Variants in YWHAG observed in about 807,000 individuals in gnomAD.
The protein encoded by YWHAG is tyrosine 3-monooxygenase/tryptophan 5-monooxygenase activation protein gamma, also known as 14-3-3 protein gamma.
In YWHAG, 1 loss-of-function variant was observed where a neutral mutation model predicts 23.3. The observed-to-expected ratio is 0.04, with a 90% CI of 0.02 to 0.20. YWHAG has a LOEUF of 0.20. Ranked by LOEUF, YWHAG falls within the 10% of genes least tolerant of loss-of-function variation. YWHAG has a pLI of 1.00. For synonymous variants in YWHAG, 160 were observed against 144.0 expected, an observed-to-expected ratio of 1.11 and a Z score of -0.80; for missense variants, 151 against 338.6, an observed-to-expected ratio of 0.45 and a Z score of 4.35.
At position 76,328,542 on chromosome 7, in the gene YWHAG, G is replaced by A. The variant is rs878951657; in HGVS notation, c.*1035C>T. On this transcript the variant is annotated 3_prime_UTR_variant, in exon 2 of 2. Coordinates refer to ENST00000307630, the MANE Select transcript of YWHAG (RefSeq NM_012479.4). ...ACAGACCTTCTCCAAACGCCTCTCC[G>A]ACCCCACAGCTTCTGCACCCAGCTG... 6.6e-6 allele frequency: 1 copy of A among 152,096 alleles called. No homozygotes were observed. Among genetic ancestry groups the A allele is most frequent in the African/African-American group, 2.4e-5 (1 of 41,374 alleles). 9.4% of individuals were successfully genotyped at this position (152,096 alleles called of 1,614,324 possible).
At chr7:76,350,907 C>A (rs1300107100) in intron 1 of YWHAG, among the ~76,000 whole-genome samples, 1 of 152,030 alleles carries the variant, frequency 6.6e-6, no homozygotes, top group East Asian at 1.9e-4. Flanking sequence ...ACCATCTATA[C>A]CCACACATCA....
At chr7:76,339,716 G>T (rs527408458) in intron 1 of YWHAG, among the ~76,000 whole-genome samples, 6 of 152,264 alleles carry the variant, frequency 3.9e-5, no homozygotes, top group African/African-American at 1.4e-4. Context: ...TCAACACGAA[G>T]ACCGTAAGGA....
chr7:76,339,781 C>T (rs183192805), intron 1 of YWHAG, among the ~76,000 whole-genome samples: 117 of 152,200 alleles, frequency 7.7e-4, no homozygotes, highest in Non-Finnish European at 1.5e-3. Flanking sequence ...TACAGTTTCT[C>T]TTATGCTTTT....
At chr7:76,346,877 TTCAAC>T (rs1468981772) in intron 1 of YWHAG, among the ~76,000 whole-genome samples, 2 of 152,090 alleles carry the variant, frequency 1.3e-5, no homozygotes, top group African/African-American at 4.8e-5. Context: ...GTTAACCTCT[TTCAAC>T]TCATTTCCTG....
intron 1 of YWHAG, among the ~76,000 whole-genome samples, chr7:76,358,180 C>T (rs1476819789): frequency 6.6e-6 from 1 of 152,064 alleles, no homozygotes; most frequent in Non-Finnish European, 1.5e-5. Context: ...AGACCCTATA[C>T]AATGTTTCTG....
intron 1 of YWHAG, among the ~76,000 whole-genome samples, chr7:76,348,420 A>G (rs137897447): frequency 0.029 from 4,053 of 139,904 alleles, 198 homozygotes; most frequent in African/African-American, 0.1. Flanking sequence ...CATGCCCGCT[A>G]ATTTTTTTTT....
intron 1 of YWHAG, among the ~76,000 whole-genome samples, chr7:76,332,732 G>A (rs1803563163): frequency 1.3e-5 from 2 of 148,426 alleles, no homozygotes; most frequent in African/African-American, 2.5e-5. Flanking sequence ...AAAAAGACCT[G>A]GTCTCACTCT....
At chr7:76,357,857 T>C (rs776094509) in intron 1 of YWHAG, among the ~76,000 whole-genome samples, 5 of 152,112 alleles carry the variant, frequency 3.3e-5, no homozygotes, top group South Asian at 2.1e-4. Flanking sequence ...CCCCAACTTA[T>C]AGGAATTTCA....
At position 76,329,872 on chromosome 7, in the gene YWHAG, G is replaced by C; in HGVS notation, c.449C>G (p.Ser150Cys). Residue 150 changes from serine (S) to cysteine (C), a missense_variant, in exon 2 of 2, where the codon TCC becomes TGC. By Grantham distance (112) the Ser-to-Cys change is moderately radical (BLOSUM62 -1). Transcript: ENST00000307630. The surrounding 1 kb of genome is among the most constrained non-coding windows in gnomAD (Gnocchi z 6.1). ...GTGGGCTTCGCTGTAGGCCTTCTCG[G>C]AGGACTCCACCACCGTCGCCCTTTT... ...GEKRATVVES[S>C]EKAYSEAHEI... 1 of 1,614,036 alleles carries C rather than the reference G, an allele frequency of 6.2e-7. No homozygotes were observed. Among genetic ancestry groups the C allele is most frequent in the Non-Finnish European group, 8.5e-7 (1 of 1,180,002 alleles).
At chr7:76,352,903 G>A (rs978830020) in intron 1 of YWHAG, among the ~76,000 whole-genome samples, 10 of 152,016 alleles carry the variant, frequency 6.6e-5, no homozygotes, top group Non-Finnish European at 1.2e-4. Context: ...AACCCACCTC[G>A]ACCTCCCAAA....
intron 1 of YWHAG, among the ~76,000 whole-genome samples, chr7:76,331,356 G>C (rs1430380261): frequency 6.6e-6 from 1 of 151,848 alleles, no homozygotes; most frequent in Non-Finnish European, 1.5e-5. Flanking sequence ...GTTCCGTGTT[G>C]ATCAACTGCA....
At chr7:76,341,509 G>C in intron 1 of YWHAG, among the ~76,000 whole-genome samples, 1 of 151,374 alleles carries the variant, frequency 6.6e-6, no homozygotes, top group East Asian at 1.9e-4. Flanking sequence ...CATCAAATGA[G>C]GAACGGCTGA....
Position 76,329,517 on chromosome 7 carries a change from G to A in YWHAG, c.*60C>T, listed in dbSNP as rs1477413382. On this transcript the variant is annotated 3_prime_UTR_variant, in exon 2 of 2. Transcript: ENST00000307630. The surrounding 1 kb of genome is among the most constrained non-coding windows in gnomAD (Gnocchi z 6.1). The stretch of plus-strand genomic sequence containing the variant: ...CTCCCCCACCCGACCCCCAACTCAT[G>A]GGAAAAAAATAAAGACTGCAGTAGT... The A allele has an allele frequency of 2.5e-6, 3 of 1,193,992 alleles. No individual in the cohort carries two copies. The highest frequency in any genetic ancestry group is 3.1e-5 in the African/African-American group (2 of 64,556). The allele number at this position is 1,193,992 out of a possible 1,614,324, so 74.0% of individuals were successfully genotyped here. A position where few individuals can be genotyped will look rare whatever the true frequency, so the allele number is the denominator to read the frequency against.
intron 1 of YWHAG, among the ~76,000 whole-genome samples, chr7:76,334,386 T>C (rs1803588458): frequency 6.6e-6 from 1 of 152,120 alleles, no homozygotes; most frequent in African/African-American, 2.4e-5. Context: ...CTTGTATCAT[T>C]TGGGAAGGGA....
In YWHAG at chr7:76,329,489, T is replaced by TCCCACCCCCCCC; in HGVS notation, c.*87_*88insGGGGGGGGTGGG. 9.8e-7 allele frequency: 1 copy of TCCCACCCCCCCC among 1,024,228 alleles called. No homozygotes were observed. Among genetic ancestry groups the TCCCACCCCCCCC allele is most frequent in the Non-Finnish European group, 1.4e-6 (1 of 740,082 alleles). The allele number at this position is 1,024,228 out of a possible 1,614,324, so 63.4% of individuals were successfully genotyped here. A position where few individuals can be genotyped will look rare whatever the true frequency, so the allele number is the denominator to read the frequency against. On this transcript the variant is annotated 3_prime_UTR_variant, in exon 2 of 2. Transcript: ENST00000307630. This position sits in a 1 kb window ranked among gnomAD's most constrained non-coding sequence, Gnocchi z 6.1. The stretch of plus-strand genomic sequence containing the variant: ...TCCCTGGGAAGGTCATCCCTCCCTT[T>TCCCACCCCCCCC]CCCTCCCCCACCCGACCCCCAACTC...
intron 1 of YWHAG, among the ~76,000 whole-genome samples, chr7:76,340,241 T>G (rs1346817035): frequency 6.6e-6 from 1 of 152,284 alleles, no homozygotes; most frequent in Non-Finnish European, 1.5e-5. Context: ...TCTAGTATTT[T>G]TCCAGTTTAT....
chr7:76,327,668 G>GCCCCCCCCCCCCCCCCCCCC lies in YWHAG; in HGVS notation c.*1908_*1909insGGGGGGGGGGGGGGGGGGGG, dbSNP rs71085403. 44 of 47,114 alleles carry GCCCCCCCCCCCCCCCCCCCC rather than the reference G, an allele frequency of 9.3e-4. No homozygotes were observed. Among genetic ancestry groups the GCCCCCCCCCCCCCCCCCCCC allele is most frequent in the African/African-American group, 1.3e-3 (10 of 7,894 alleles). 2.9% of individuals were successfully genotyped at this position (47,114 alleles called of 1,614,324 possible). A position where few individuals can be genotyped will look rare whatever the true frequency, so the allele number is the denominator to read the frequency against. ...AATTAGGGAAAGCCCCACCTACCCT[G>GCCCCCCCCCCCCCCCCCCCC]CCCCCCCCCCCCTCCCCCCCCAAAT... is the stretch of plus-strand genomic sequence containing the variant. On this transcript the variant is annotated 3_prime_UTR_variant, in exon 2 of 2. Transcript: ENST00000307630.
chr7:76,354,166 C>G lies in YWHAG; in HGVS notation c.87+4556G>C, dbSNP rs536228607. Among the ~76,000 whole-genome samples, 6 of 151,604 alleles carry G rather than the reference C, an allele frequency of 4.0e-5. No individual in the cohort carries two copies. The South Asian group carries it at 1.3e-3, about 32-fold the overall frequency. On this transcript the variant is annotated intron_variant, in intron 1 of 1. Transcript: ENST00000307630. ...TCAAAAGAAGGCAAAGAGAAGATAA[C>G]GTTTTATATCATTTAAAAGTAGTAT...
At chr7:76,356,723 A>T (rs939034884) in intron 1 of YWHAG, among the ~76,000 whole-genome samples, 1 of 152,260 alleles carries the variant, frequency 6.6e-6, no homozygotes, top group African/African-American at 2.4e-5. Flanking sequence ...GTTTAAAAAT[A>T]TAAAAAAGCA....
Sources: gnomAD v4.1 joint callset for allele counts (sites outside exome capture counted in the v4.1 genomes callset) on GRCh38, gnomAD v4.1.1 for gene constraint, Gnocchi (gnomAD v3.1) non-coding constraint, MANE v1.5 for transcripts, NCBI Gene and HGNC (gene_info 2026-07-23, HGNC 2026-07-21) for gene names.